GAPDH: variants seen among roughly 807,000 people sequenced by gnomAD.
The protein encoded by GAPDH is OCAS, p38 component.
GAPDH carries 13 observed loss-of-function variants against 31.2 expected under a neutral mutation model. That is an observed-to-expected ratio of 0.42 (90% confidence interval 0.27 to 0.66). The LOEUF is 0.66. Ranked by LOEUF, GAPDH falls within the 30% of genes least tolerant of loss-of-function variation. GAPDH has a pLI of 0.26. For synonymous variants in GAPDH, 211 were observed against 166.9 expected, an observed-to-expected ratio of 1.26 and a Z score of -2.04; for missense variants, 300 against 443.7, an observed-to-expected ratio of 0.68 and a Z score of 2.91.
Position 6,536,524 on chromosome 12 carries a change from G to A in GAPDH, c.60G>A (p.Arg20=), listed in dbSNP as rs190547766. 1.2e-6 allele frequency: 2 copies of A among 1,613,770 alleles called. No individual in the cohort carries two copies. The highest frequency in any genetic ancestry group is 2.7e-5 in the African/African-American group (2 of 75,014). The change falls in exon 3 of 9, where the codon AGG becomes AGA. Residue 20 remains arginine, a synonymous_variant. Transcript: ENST00000229239. ...GFGRIGRLVT[R]AAFNSGKVDI... ...GTCGTATTGGGCGCCTGGTCACCAG[G>A]GCTGCTTTTAACTCTGGTAAAGTGG...
intron 2 of GAPDH, chr12:6,535,154 G>A (rs1946434739): frequency 1.9e-6 from 2 of 1,052,126 alleles, no homozygotes; most frequent in Non-Finnish European, 2.5e-6. Flanking sequence ...GGTGGGGGAC[G>A]CTTTCTTTCC....
chr12:6,536,829 A>G, intron 4 of GAPDH, 39 bp downstream of exon 4: 5 of 1,593,120 alleles, frequency 3.1e-6, no homozygotes, highest in Non-Finnish European at 4.3e-6. Flanking sequence ...TGCTTTGGGG[A>G]GGCAACTAGG....
Position 6,537,221 on chromosome 12 carries a change from G to C in GAPDH, c.443+5G>C, listed in dbSNP as rs370355573. On this transcript the variant is annotated splice_donor_5th_base_variant and intron_variant, in intron 6 of 8. Coordinates refer to ENST00000229239, the MANE Select transcript of GAPDH (RefSeq NM_002046.7). The surrounding 1 kb of genome is among the most constrained non-coding windows in gnomAD (Gnocchi z 4.9). ...CAACAGCCTCAAGATCATCAGGTGA[G>C]GAAGGCAGGGCCCGTGGAGAAGCGG... The C allele has an allele frequency of 5.0e-6, 8 of 1,600,042 alleles. No homozygotes were observed. In the African/African-American group the frequency reaches 6.7e-5, roughly 13 times the overall value.
At chr12:6,534,788 A>G (rs977932708) in intron 1 of GAPDH, 22 bp from the exon 2 acceptor site, 5 of 1,608,442 alleles carry the variant, frequency 3.1e-6, no homozygotes, top group Non-Finnish European at 4.2e-6. Context: ...CTAGGCGCTC[A>G]CTGTTCTCTC....
intron 2 of GAPDH, among the ~76,000 whole-genome samples, chr12:6,536,256 T>C (rs879344236): frequency 6.6e-6 from 1 of 152,226 alleles, no homozygotes. Context: ...CCGCTTCTCC[T>C]GGAAGGGCTT....
rs148843886 is a variant in GAPDH, at chr12:6,537,733, C to T, written c.675C>T (p.Asn225=). 14 of 1,611,564 alleles carry T rather than the reference C, an allele frequency of 8.7e-6. No individual in the cohort carries two copies. Among genetic ancestry groups the T allele is most frequent in the Middle Eastern group, 2.2e-4 (1 of 4,456 alleles). Residue 225 remains asparagine (N), a synonymous_variant, in exon 8 of 9, where the codon AAC becomes AAT. Coordinates refer to ENST00000229239, the MANE Select transcript of GAPDH (RefSeq NM_002046.7). The surrounding 1 kb of genome is among the most constrained non-coding windows in gnomAD (Gnocchi z 4.9). ...KAVGKVIPEL[N]GKLTGMAFRV... is the part of the protein sequence containing the mutation. ...TGGGCAAGGTCATCCCTGAGCTGAA[C>T]GGGAAGCTCACTGGCATGGCCTTCC...
At chr12:6,535,449 C>G (rs1356744740) in intron 2 of GAPDH, 42 of 987,230 alleles carry the variant, frequency 4.3e-5, no homozygotes, top group Non-Finnish European at 5.1e-5. Context: ...CCGGGTGATG[C>G]TTTTCCTAGA....
chr12:6,536,586 A>G lies in GAPDH; in HGVS notation c.122A>G (p.Asn41Ser), dbSNP rs773762261. Residue 41 changes from asparagine to serine, a missense_variant, in exon 3 of 9, where the codon AAC (asparagine) becomes AGC (serine). Coordinates refer to ENST00000229239, the MANE Select transcript of GAPDH (RefSeq NM_002046.7). ...VAINDPFIDL[N>S]YMVYMFQYDS... ...ATCAATGACCCCTTCATTGACCTCA[A>G]CTACATGGTGAGTGCTACATGGTGA... 1.9e-6 allele frequency: 3 copies of G among 1,613,298 alleles called. No individual in the cohort carries two copies. Among genetic ancestry groups the G allele is most frequent in the Admixed American group, 1.7e-5 (1 of 60,004 alleles).
rs371116969 is a variant in GAPDH, at chr12:6,537,235, G to A, written c.443+19G>A. ...TCATCAGGTGAGGAAGGCAGGGCCC[G>A]TGGAGAAGCGGCCAGCCTGGCACCC... On this transcript the variant is annotated intron_variant, in intron 6 of 8. Coordinates refer to ENST00000229239, the MANE Select transcript of GAPDH (RefSeq NM_002046.7). The surrounding 1 kb of genome is among the most constrained non-coding windows in gnomAD (Gnocchi z 4.9). The A allele has an allele frequency of 3.6e-4, 573 of 1,597,304 alleles. No homozygotes were observed. Among genetic ancestry groups the A allele is most frequent in the Non-Finnish European group, 4.3e-4 (504 of 1,176,560 alleles).
intron 2 of GAPDH, 133 bp downstream of exon 2, chr12:6,534,994 C>G: frequency 9.2e-7 from 1 of 1,082,828 alleles, no homozygotes; most frequent in Non-Finnish European, 1.3e-6. Context: ...AGCTCAAGGT[C>G]AGCGCTCGGA....
intron 2 of GAPDH, chr12:6,535,288 A>G: frequency 3.0e-6 from 3 of 1,010,060 alleles, no homozygotes; most frequent in East Asian, 1.9e-4. Flanking sequence ...CCTGCGGTAG[A>G]GCGGCCGCCA....
chr12:6,537,113 G>C lies in GAPDH; in HGVS notation c.340G>C (p.Gly114Arg). 6 of 1,613,786 alleles carry C rather than the reference G, an allele frequency of 3.7e-6. No individual in the cohort carries two copies. Among genetic ancestry groups the C allele is most frequent in the Non-Finnish European group, 4.2e-6 (5 of 1,179,832 alleles). Residue 114 changes from glycine (G) to arginine (R), a missense_variant, in exon 6 of 9, where the codon GGG becomes CGG. Transcript: ENST00000229239. The surrounding 1 kb of genome is among the most constrained non-coding windows in gnomAD (Gnocchi z 4.9). Reference protein sequence around the residue: ...TMEKAGAHLQGGAKRVIISAP... With the variant: ...TMEKAGAHLQRGAKRVIISAP... ...TTCTCTGCTGTAGGCTCATTTGCAGGGGGGAGCCAAAAGGGTCATCATCTC... is the reference window on the plus strand; with the variant it reads ...TTCTCTGCTGTAGGCTCATTTGCAGCGGGGAGCCAAAAGGGTCATCATCTC...
chr12:6,535,031 T>C (rs1592183508), intron 2 of GAPDH, 170 bp downstream of exon 2: 1 of 861,402 alleles, frequency 1.2e-6, no homozygotes, highest in Non-Finnish European at 1.8e-6. Context: ...ACCCAGGCTG[T>C]GGCGCCCTGT....
chr12:6,536,391 G>A, intron 2 of GAPDH, 103 bp from the exon 3 acceptor site: 1 of 830,006 alleles, frequency 1.2e-6, no homozygotes, highest in South Asian at 1.4e-5. Flanking sequence ...CTGGGGGTAA[G>A]GAGATGCTGC....
intron 1 of GAPDH, 96 bp from the exon 2 acceptor site, chr12:6,534,714 C>CG: frequency 9.2e-7 from 1 of 1,082,410 alleles, no homozygotes; most frequent in South Asian, 1.3e-5. Context: ...CGTGATGCGG[C>CG]GCGGGCTGGG....
chr12:6,535,888 C>G (rs988876517), intron 2 of GAPDH, among the ~76,000 whole-genome samples: 17 of 151,544 alleles, frequency 1.1e-4, no homozygotes, highest in African/African-American at 3.8e-4. Flanking sequence ...CACACACATG[C>G]ACTTACCTGT....
At chr12:6,534,700 A>G (rs2136066158) in intron 1 of GAPDH, 110 bp from the exon 2 acceptor site, 1 of 937,126 alleles carries the variant, frequency 1.1e-6, no homozygotes, top group Non-Finnish European at 1.6e-6. Flanking sequence ...GGGCGGGCGG[A>G]GGACGTGATG....
rs941702915 is a variant in GAPDH at position 6,536,884 on chromosome 12, T to A, written c.237-36T>A. On this transcript the variant is annotated intron_variant, in intron 4 of 8. Transcript: ENST00000229239. ...TATATGGTAACCTTGTGTCCCTCAATATGGTCCTGTCCCCATCTCCCCCCC... is the reference window on the plus strand; with the variant it reads ...TATATGGTAACCTTGTGTCCCTCAAAATGGTCCTGTCCCCATCTCCCCCCC... 1.9e-6 allele frequency: 3 copies of A among 1,593,394 alleles called. No individual in the cohort carries two copies. The African/African-American group carries it at 4.0e-5, about 21-fold the overall frequency.
rs1249452652 is a variant in GAPDH, at chr12:6,537,195, A to T, written c.422A>T (p.Asp141Val). Residue 141 changes from aspartate to valine, a missense_variant, in exon 6 of 9, where the codon GAC (aspartate) becomes GTC (valine). By Grantham distance (152) the Asp-to-Val change is radical. Transcript: ENST00000229239. The surrounding 1 kb of genome is among the most constrained non-coding windows in gnomAD (Gnocchi z 4.9). ...FVMGVNHEKY[D>V]NSLKIISNAS... The stretch of plus-strand genomic sequence containing the variant: ...ATGGGTGTGAACCATGAGAAGTATG[A>T]CAACAGCCTCAAGATCATCAGGTGA... The T allele has an allele frequency of 1.2e-6, 2 of 1,612,704 alleles. No homozygotes were observed. Among genetic ancestry groups the T allele is most frequent in the East Asian group, 4.5e-5 (2 of 44,886 alleles).
Sources: allele counts gnomAD v4.1 joint callset (sites outside exome capture counted in the v4.1 genomes callset), GRCh38; gene constraint gnomAD v4.1.1; non-coding constraint Gnocchi (gnomAD v3.1); transcripts MANE v1.5; gene names NCBI Gene and HGNC (gene_info 2026-07-23, HGNC 2026-07-21).